PPP1R37: variants seen among roughly 807,000 people sequenced by gnomAD.
The protein encoded by PPP1R37 is protein phosphatase 1 regulatory subunit 37.
In PPP1R37, 21 loss-of-function variants were observed where a neutral mutation model predicts 61.0. That is an observed-to-expected ratio of 0.34 (90% CI 0.24 to 0.50). The LOEUF is 0.50. PPP1R37 is among the 20% of genes least tolerant of loss of function. The pLI, the probability that PPP1R37 is intolerant of heterozygous loss-of-function variation, is 0.98. For missense variants in PPP1R37, 910 were observed against 952.7 expected, an observed-to-expected ratio of 0.96 and a Z score of 0.59; for synonymous variants, 443 against 433.5, an observed-to-expected ratio of 1.02 and a Z score of -0.27.
chr19:45,103,492 C>G (rs1342655987), intron 1 of PPP1R37, among the ~76,000 whole-genome samples: 1 of 152,240 alleles, frequency 6.6e-6, no homozygotes, highest in Non-Finnish European at 1.5e-5. Context: ...ACCCCTCCCT[C>G]TCTCCACGGT....
At chr19:45,095,091 G>A (rs4803798) in intron 1 of PPP1R37, among the ~76,000 whole-genome samples, 130,507 of 152,138 alleles carry the variant, frequency 0.86, 56,151 homozygotes, top group East Asian at 1. Flanking sequence ...TTGCCAGTCT[G>A]TGGACAATGG....
chr19:45,142,228 G>A lies in PPP1R37; in HGVS notation c.718+17G>A. ...TGCTGCTCGGTGAGCCCCAAGCCCG[G>A]GAGGGTGAGCAGGATGTGCAGCCTG... On this transcript the variant is annotated intron_variant, in intron 6 of 12. Transcript: ENST00000221462. 3 of 1,533,286 alleles carry A rather than the reference G, an allele frequency of 2.0e-6. No individual in the cohort carries two copies. The highest frequency in any genetic ancestry group is 2.4e-5 in the South Asian group (2 of 83,780). The allele number at this position is 1,533,286 out of a possible 1,614,324, so 95.0% of individuals were successfully genotyped here. A position where few individuals can be genotyped will look rare whatever the true frequency, so the allele number is the denominator to read the frequency against.
chr19:45,123,656 G>A (rs946284320), intron 1 of PPP1R37, among the ~76,000 whole-genome samples: 1 of 152,162 alleles, frequency 6.6e-6, no homozygotes, highest in Non-Finnish European at 1.5e-5. Flanking sequence ...ATTATGATGC[G>A]GATTAAATGC....
intron 1 of PPP1R37, among the ~76,000 whole-genome samples, chr19:45,096,794 C>T (rs1967998979): frequency 6.6e-6 from 1 of 151,796 alleles, no homozygotes; most frequent in Non-Finnish European, 1.5e-5. Flanking sequence ...TCGAGGAGTC[C>T]GTGCGTCTGA....
chr19:45,143,433 A>G (rs1418974798), intron 7 of PPP1R37, 88 bp from the exon 8 acceptor site: 2 of 749,962 alleles, frequency 2.7e-6, no homozygotes, highest in South Asian at 1.6e-5. Flanking sequence ...TGGAGGTCCT[A>G]AGCAGAGGGG....
intron 8 of PPP1R37, 97 bp from the exon 9 acceptor site, chr19:45,144,757 G>A (rs1437838122): frequency 2.8e-6 from 3 of 1,073,568 alleles, no homozygotes; most frequent in Non-Finnish European, 1.3e-6. Context: ...AGGAGCGCCC[G>A]GGCCTGGCTC....
chr19:45,118,283 G>T (rs1968296015), intron 1 of PPP1R37, among the ~76,000 whole-genome samples: 1 of 152,202 alleles, frequency 6.6e-6, no homozygotes, highest in Non-Finnish European at 1.5e-5. Flanking sequence ...TGGGTGGGAA[G>T]CCCGGGGCCT....
chr19:45,138,732 T>C, intron 2 of PPP1R37, 121 bp downstream of exon 2: 1 of 605,410 alleles, frequency 1.7e-6, no homozygotes, highest in Middle Eastern at 4.3e-4. Flanking sequence ...AATACATCTT[T>C]GAAAGCCTGC....
chr19:45,104,474 A>C (rs534280072), intron 1 of PPP1R37, among the ~76,000 whole-genome samples: 12 of 152,226 alleles, frequency 7.9e-5, no homozygotes, highest in African/African-American at 2.6e-4. Flanking sequence ...GATTTCGTTC[A>C]CTGAGTCCTT....
chr19:45,127,847 T>G (rs1302347128), intron 1 of PPP1R37, among the ~76,000 whole-genome samples: 4 of 151,872 alleles, frequency 2.6e-5, no homozygotes, highest in Non-Finnish European at 5.9e-5. Context: ...TGGTGGCACA[T>G]GCCTGTAGTT....
Position 45,140,267 on chromosome 19 carries a change from G to C in PPP1R37, c.332G>C (p.Cys111Ser), listed in dbSNP as rs1405663511. 2 of 1,536,146 alleles carry C rather than the reference G, an allele frequency of 1.3e-6. No individual in the cohort carries two copies. The highest frequency in any genetic ancestry group is 2.4e-5 in the East Asian group (1 of 40,924). The change falls in exon 3 of 13, where the codon TGT (cysteine) becomes TCT (serine). Residue 111 changes from cysteine to serine, a missense_variant. By Grantham distance (112) the Cys-to-Ser change is moderately radical. Coordinates refer to ENST00000221462, the MANE Select transcript of PPP1R37 (RefSeq NM_019121.2). ...EFTDLGHRLD[C>S]LDLKGEKLDY... ...ACAGACCTCGGGCACCGCCTCGACT[G>C]TCTGGACCTGAAAGGTGTGTGTCTG...
intron 1 of PPP1R37, among the ~76,000 whole-genome samples, chr19:45,136,634 C>T (rs1218430560): frequency 6.6e-6 from 1 of 152,170 alleles, no homozygotes; most frequent in Admixed American, 6.5e-5. Flanking sequence ...AGCTGATCCC[C>T]TGCAGCTCCT....
At chr19:45,141,248 C>T in intron 4 of PPP1R37, 74 bp from the exon 5 acceptor site, 15 of 1,456,590 alleles carry the variant, frequency 1.0e-5, no homozygotes, top group Non-Finnish European at 1.4e-5. Context: ...TCGGTGGGGC[C>T]CGGTGTCAGG....
intron 1 of PPP1R37, among the ~76,000 whole-genome samples, chr19:45,101,280 A>C (rs1968059401): frequency 6.6e-6 from 1 of 152,226 alleles, no homozygotes; most frequent in Non-Finnish European, 1.5e-5. Context: ...AGAGAGAACC[A>C]GCCTGGTATG....
chr19:45,115,519 C>G (rs1287843796), intron 1 of PPP1R37, among the ~76,000 whole-genome samples: 2 of 152,190 alleles, frequency 1.3e-5, no homozygotes, highest in African/African-American at 4.8e-5. Context: ...GAGCCATAGA[C>G]TGCTCAGGCT....
intron 1 of PPP1R37, chr19:45,128,511 C>T (rs1371949756): frequency 2.0e-5 from 20 of 1,024,390 alleles, no homozygotes; most frequent in South Asian, 4.3e-5. Context: ...GGGTTTGCAG[C>T]GAGAAGACAA....
intron 1 of PPP1R37, among the ~76,000 whole-genome samples, chr19:45,094,460 C>G (rs762122772): frequency 3.3e-5 from 5 of 152,040 alleles, no homozygotes; most frequent in Non-Finnish European, 7.4e-5. Context: ...GGTGCATTGG[C>G]TCAGGCGTGT....
intron 1 of PPP1R37, among the ~76,000 whole-genome samples, chr19:45,103,418 G>A (rs1307699077): frequency 2.6e-5 from 4 of 152,236 alleles, no homozygotes; most frequent in Non-Finnish European, 5.9e-5. Context: ...AGGTGGGCGG[G>A]CTCCTCTAGC....
At chr19:45,137,479 C>T (rs1478924242) in intron 1 of PPP1R37, among the ~76,000 whole-genome samples, 1 of 152,230 alleles carries the variant, frequency 6.6e-6, no homozygotes, top group African/African-American at 2.4e-5. Flanking sequence ...GGCTGTGGCC[C>T]TCCAGGGACC....
Sources: allele counts gnomAD v4.1 joint callset (sites outside exome capture counted in the v4.1 genomes callset), GRCh38; gene constraint gnomAD v4.1.1; transcripts MANE v1.5; gene names NCBI Gene and HGNC (gene_info 2026-07-23, HGNC 2026-07-21).